NFU1: variants seen among roughly 807,000 people sequenced by gnomAD.
The protein encoded by NFU1 is NFU1 iron-sulfur cluster scaffold homolog, mitochondrial.
In NFU1, 30 loss-of-function variants were observed where a neutral mutation model predicts 32.2. That is an observed-to-expected ratio of 0.93 (90% confidence interval 0.70 to 1.26). The LOEUF is 1.26. NFU1 is among the 50% of genes most tolerant of loss of function. The pLI is 0.00. For missense variants in NFU1, 306 were observed against 306.6 expected, an observed-to-expected ratio of 1.00 and a Z score of 0.02; for synonymous variants, 112 against 104.6, an observed-to-expected ratio of 1.07 and a Z score of -0.43.
intron 4 of NFU1, among the ~76,000 whole-genome samples, chr2:69,416,485 AGAT>A (rs1234864873): frequency 7.3e-5 from 11 of 151,178 alleles, no homozygotes; most frequent in Admixed American, 1.3e-4. Context: ...TCTTTAAAGA[AGAT>A]GATAAAGAGA....
At position 69,414,671 on chromosome 2, in the gene NFU1, T is replaced by C. The variant is rs561528745; in HGVS notation, c.484+514A>G. Among the ~76,000 whole-genome samples the C allele has an allele frequency of 5.6e-4, 76 of 134,922 alleles. 1 individual carries two copies. The highest frequency in any genetic ancestry group is 1.9e-3 in the African/African-American group (71 of 36,478). 88.5% of individuals were successfully genotyped at this position (134,922 alleles called of 152,430 possible). A position where few individuals can be genotyped will look rare whatever the true frequency, so the allele number is the denominator to read the frequency against. ...AGATTTAAAACTTAAAAACAAAAACTAGTCTTATATATTCCCTGCAGAGAC... is the reference window on the plus strand; with the variant it reads ...AGATTTAAAACTTAAAAACAAAAACCAGTCTTATATATTCCCTGCAGAGAC... On this transcript the variant is annotated intron_variant, in intron 5 of 7. Coordinates refer to ENST00000410022, the MANE Select transcript of NFU1 (RefSeq NM_001002755.4).
At chr2:69,438,541 G>A (rs536345738), upstream of NFU1, among the ~76,000 whole-genome samples, 1 of 152,044 alleles carries the variant, frequency 6.6e-6, no homozygotes, top group Non-Finnish European at 1.5e-5. Flanking sequence ...AAAGCTCTTA[G>A]GTTACCTCAC....
intron 5 of NFU1, among the ~76,000 whole-genome samples, chr2:69,408,769 T>TATATATATATATAC (rs1219902624): frequency 1.0e-4 from 14 of 133,652 alleles, no homozygotes; most frequent in Non-Finnish European, 1.9e-4. Flanking sequence ...TATATATATA[T>TATATATATATATAC]ACACACACAC....
At chr2:69,396,873 C>G (rs1328544002) in intron 7 of NFU1, among the ~76,000 whole-genome samples, 1 of 151,660 alleles carries the variant, frequency 6.6e-6, no homozygotes, top group Non-Finnish European at 1.5e-5. Flanking sequence ...AAGATCAAGA[C>G]CATCCTGGCT....
chr2:69,431,390 T>A (rs578018103), intron 2 of NFU1, among the ~76,000 whole-genome samples: 9 of 152,224 alleles, frequency 5.9e-5, no homozygotes, highest in Admixed American at 2.0e-4. Context: ...ACTGCAAGCT[T>A]GAACTCCTGG....
chr2:69,406,595 G>A (rs756528927), intron 5 of NFU1, among the ~76,000 whole-genome samples: 1 of 152,146 alleles, frequency 6.6e-6, no homozygotes, highest in Non-Finnish European at 1.5e-5. Flanking sequence ...TCTTGAGACA[G>A]CGTTTCACTC....
intron 5 of NFU1, among the ~76,000 whole-genome samples, chr2:69,412,232 G>A (rs1049085497): frequency 4.0e-5 from 6 of 151,708 alleles, no homozygotes; most frequent in East Asian, 3.9e-4. Flanking sequence ...TGTATTTTTA[G>A]CAGAGATGGG....
intron 3 of NFU1, 137 bp downstream of exon 3, chr2:69,423,445 G>T: frequency 2.6e-6 from 2 of 766,286 alleles, no homozygotes; most frequent in Non-Finnish European, 2.1e-6. Flanking sequence ...TCTCTCATCT[G>T]AAAAGAAATT....
At position 69,400,384 on chromosome 2, in the gene NFU1, C is replaced by T; in HGVS notation, c.700G>A (p.Glu234Lys). 1 of 1,614,112 alleles carries T rather than the reference C, an allele frequency of 6.2e-7. No individual in the cohort carries two copies. The highest frequency in any genetic ancestry group is 8.5e-7 in the Non-Finnish European group (1 of 1,179,978). ...IQNMLQFYIP[E>K]VEGVEQVMDD... ...CATACCTGTTCTACGCCTTCTACCT[C>T]CGGAATATAAAACTGCAGCATGTTC... The change falls in exon 7 of 8, where the codon GAG becomes AAG. Residue 234 changes from glutamate (E) to lysine (K), a missense_variant. By Grantham distance (56) the Glu-to-Lys change is moderately conservative (BLOSUM62 1). Transcript: ENST00000410022.
chr2:69,430,871 C>T (rs2104811499), intron 2 of NFU1, among the ~76,000 whole-genome samples: 1 of 152,258 alleles, frequency 6.6e-6, no homozygotes, highest in South Asian at 2.1e-4. Flanking sequence ...CAGAGTATGG[C>T]CACAGGAATG....
chr2:69,420,425 A>G (rs763123054), intron 3 of NFU1, among the ~76,000 whole-genome samples: 3 of 152,230 alleles, frequency 2.0e-5, no homozygotes, highest in Non-Finnish European at 4.4e-5. Flanking sequence ...TTTTTAATAC[A>G]AAATATGAAC....
At chr2:69,411,030 T>A (rs919005310) in intron 5 of NFU1, 1 of 151,986 alleles carries the variant, frequency 6.6e-6, no homozygotes, top group African/African-American at 2.4e-5. Context: ...ACTCCATATG[T>A]TATTAAAACA....
rs983193344 is a variant in NFU1, at chr2:69,419,693, C to A, written c.303-89G>T. 29 of 770,626 alleles carry A rather than the reference C, an allele frequency of 3.8e-5. No individual in the cohort carries two copies. In the African/African-American group the frequency reaches 4.7e-4, roughly 13 times the overall value. The allele number at this position is 770,626 out of a possible 1,614,324, so 47.7% of individuals were successfully genotyped here. A position where few individuals can be genotyped will look rare whatever the true frequency, so the allele number is the denominator to read the frequency against. ...CAAAAGTAGAGAAAAGTAAAAAATT[C>A]TCCACATATCCTTTGCAGCTTTAAC... On this transcript the variant is annotated intron_variant, in intron 3 of 7. Transcript: ENST00000410022.
chr2:69,437,262 A>G, intron 1 of NFU1, 99 bp downstream of exon 1: 2 of 1,521,552 alleles, frequency 1.3e-6, no homozygotes, highest in African/African-American at 1.4e-5. Context: ...CATCAGATGC[A>G]CTACCCACCC....
chr2:69,396,455 T>C (rs947234454), intron 7 of NFU1, among the ~76,000 whole-genome samples, 165 bp from the exon 8 acceptor site: 1 of 152,172 alleles, frequency 6.6e-6, no homozygotes, highest in East Asian at 1.9e-4. Context: ...GTTTGAATCA[T>C]AACCCGGTAT....
chr2:69,419,069 A>T (rs1673152470), intron 4 of NFU1, among the ~76,000 whole-genome samples: 1 of 151,984 alleles, frequency 6.6e-6, no homozygotes, highest in Admixed American at 6.5e-5. Context: ...AATCCCAGCA[A>T]TTTGGAGGCC....
chr2:69,403,801 G>T (rs181213862), intron 6 of NFU1, among the ~76,000 whole-genome samples: 1 of 151,342 alleles, frequency 6.6e-6, no homozygotes, highest in East Asian at 1.9e-4. Flanking sequence ...CCAATCTAAT[G>T]AGTTCTTAAG....
intron 2 of NFU1, among the ~76,000 whole-genome samples, chr2:69,425,293 T>C (rs1264389689): frequency 1.3e-5 from 2 of 152,086 alleles, no homozygotes; most frequent in African/African-American, 4.8e-5. Context: ...AGTAAAGTGC[T>C]GGGATTACAG....
chr2:69,421,562 C>T (rs1490964439), intron 3 of NFU1, among the ~76,000 whole-genome samples: 21 of 70,734 alleles, frequency 3.0e-4, no homozygotes, highest in South Asian at 1.3e-3. Flanking sequence ...ATCATTTGTG[C>T]TTTTTTTTTT....
Sources: allele counts gnomAD v4.1 joint callset (sites outside exome capture counted in the v4.1 genomes callset), GRCh38; gene constraint gnomAD v4.1.1; transcripts MANE v1.5; gene names NCBI Gene and HGNC (gene_info 2026-07-23, HGNC 2026-07-21).